The following DMD variants were observed in gnomAD, a reference collection of about 807,000 sequenced individuals.
DMD encodes the protein mutant dystrophin.
DMD carries 63 observed loss-of-function variants against 330.1 expected under a neutral mutation model. The observed-to-expected ratio is 0.19, with a 90% CI of 0.16 to 0.24. DMD has a LOEUF of 0.24. Among genes scored for constraint, DMD ranks in the 10% least tolerant of loss-of-function variants. The pLI, the probability that DMD is intolerant of heterozygous loss-of-function variation, is 1.00. For synonymous variants in DMD, 1,223 were observed against 959.8 expected, an observed-to-expected ratio of 1.27 and a Z score of -5.07; for missense variants, 3,344 against 2,684.1, an observed-to-expected ratio of 1.25 and a Z score of -5.43.
At chrX:33,065,230 C>A (rs1003092626) in intron 1 of DMD, among the ~76,000 whole-genome samples, 6 of 111,958 alleles carry the variant, frequency 5.4e-5, no homozygotes, top group Non-Finnish European at 1.1e-4. Context: ...ATTATTACAG[C>A]CAATCACAAT....
rs2083596595 is a variant in DMD, at chrX:32,878,764, C to G, written c.94-28944G>C. ...ATGGCTCATGCCTGTAAGCCCAACA[C>G]TTTGGGAGGCTGAGGCAGGTGGATC... is the stretch of plus-strand genomic sequence containing the variant. On this transcript the variant is annotated intron_variant, in intron 2 of 78. Transcript: ENST00000357033. Among the ~76,000 whole-genome samples, 3 of 109,938 alleles carry G rather than the reference C, an allele frequency of 2.7e-5. No homozygotes were observed. In the South Asian group the frequency reaches 1.2e-3, roughly 43 times the overall value.
At position 31,456,870 on chromosome X, in the gene DMD, GTGTGTGTA is replaced by G. The variant is rs1212918414; in HGVS notation, c.8938-12251_8938-12244del. Among the ~76,000 whole-genome samples, 13 of 98,217 alleles carry G rather than the reference GTGTGTGTA, an allele frequency of 1.3e-4. No individual in the cohort carries two copies. The South Asian group carries it at 3.1e-3, about 23-fold the overall frequency. 85.3% of individuals were successfully genotyped at this position (98,217 alleles called of 115,157 possible). A position where few individuals can be genotyped will look rare whatever the true frequency, so the allele number is the denominator to read the frequency against. Reference sequence around the variant, plus strand: ...TGTGTGTGTGTGTGTGTGTGTGTGTGTGTGTGTATATATATATATATTATATACCTATC... The same window carrying G: ...TGTGTGTGTGTGTGTGTGTGTGTGTGTATATATATATATTATATACCTATC... On this transcript the variant is annotated intron_variant, in intron 59 of 78. Coordinates refer to ENST00000357033, the MANE Select transcript of DMD (RefSeq NM_004006.3).
At chrX:33,261,637 C>CAA (rs1366852633) in intron 1 of DMD, among the ~76,000 whole-genome samples, 2 of 106,797 alleles carry the variant, frequency 1.9e-5, no homozygotes, top group East Asian at 5.9e-4. Flanking sequence ...AACACACACA[C>CAA]ACACACACAC....
intron 4 of DMD, among the ~76,000 whole-genome samples, chrX:32,830,798 G>A (rs748079076): frequency 3.6e-5 from 4 of 110,947 alleles, no homozygotes; most frequent in African/African-American, 6.5e-5. Context: ...TGTAATTTTG[G>A]AGGATAGAAA....
intron 47 of DMD, among the ~76,000 whole-genome samples, chrX:31,908,500 T>A (rs1375338771): frequency 9.5e-6 from 1 of 104,919 alleles, no homozygotes; most frequent in Non-Finnish European, 1.9e-5. Context: ...TCCTCACTCA[T>A]AGGTGGGAAT....
chrX:32,700,232 T>C (rs1037920754), intron 7 of DMD, among the ~76,000 whole-genome samples: 2 of 111,404 alleles, frequency 1.8e-5, no homozygotes, highest in East Asian at 5.6e-4. Context: ...GTCATCCTTT[T>C]TCATCCTTTA....
intron 2 of DMD, among the ~76,000 whole-genome samples, chrX:32,965,856 A>G (rs1289411939): frequency 8.9e-6 from 1 of 111,971 alleles, no homozygotes; most frequent in Non-Finnish European, 1.9e-5. Flanking sequence ...TTTAATCATT[A>G]TAGTTTGTCT....
chrX:32,521,381 T>C (rs1341965655), intron 17 of DMD, among the ~76,000 whole-genome samples: 1 of 111,885 alleles, frequency 8.9e-6, no homozygotes, highest in Non-Finnish European at 1.9e-5. Flanking sequence ...CACTCTATTC[T>C]AATTTGCCTT....
At chrX:33,176,008 T>G (rs2049627856) in intron 1 of DMD, among the ~76,000 whole-genome samples, 1 of 111,308 alleles carries the variant, frequency 9.0e-6, no homozygotes, top group South Asian at 3.8e-4. Flanking sequence ...GAAACCTGGG[T>G]GCAGTCAAAT....
intron 51 of DMD, among the ~76,000 whole-genome samples, chrX:31,765,944 T>C (rs2089966061): frequency 9.0e-6 from 1 of 111,238 alleles, no homozygotes; most frequent in Non-Finnish European, 1.9e-5. Context: ...ACATTAACAT[T>C]AGTTAACATT....
chrX:32,188,514 T>C (rs2096957642), intron 44 of DMD, among the ~76,000 whole-genome samples: 1 of 104,820 alleles, frequency 9.5e-6, no homozygotes, highest in Non-Finnish European at 2.0e-5. Context: ...TACGAGACAC[T>C]ATTTATTAAG....
chrX:32,806,280 G>T (rs2076937499), intron 7 of DMD, among the ~76,000 whole-genome samples: 1 of 110,679 alleles, frequency 9.0e-6, no homozygotes, highest in African/African-American at 3.3e-5. Context: ...AAAAGCAGGG[G>T]TTGCAATTCT....
chrX:31,146,258 A>G (rs747031916), intron 76 of DMD, 33 bp downstream of exon 76: 4 of 1,204,949 alleles, frequency 3.3e-6, no homozygotes, highest in Non-Finnish European at 4.5e-6. Context: ...CTTTCTTCAG[A>G]CAACAAAATC....
At chrX:32,703,010 C>T (rs2147662272) in intron 7 of DMD, among the ~76,000 whole-genome samples, 1 of 111,568 alleles carries the variant, frequency 9.0e-6, no homozygotes, top group Admixed American at 9.5e-5. Flanking sequence ...ATTAGTTCCT[C>T]CATGATTCTT....
chrX:32,434,371 T>C (rs769100794), intron 29 of DMD, among the ~76,000 whole-genome samples: 5 of 111,500 alleles, frequency 4.5e-5, no homozygotes, highest in East Asian at 2.8e-4. Flanking sequence ...GATCGTGCCA[T>C]TGCACTCCAG....
intron 51 of DMD, among the ~76,000 whole-genome samples, chrX:31,732,549 A>G (rs186361036): frequency 1.0e-3 from 112 of 111,621 alleles, no homozygotes; most frequent in South Asian, 5.2e-3. Flanking sequence ...TTGCTACTAT[A>G]CTTTCTTTGA....
At chrX:33,214,327 T>C (rs919182769), upstream of DMD, among the ~76,000 whole-genome samples, 2 of 111,570 alleles carry the variant, frequency 1.8e-5, no homozygotes. Flanking sequence ...TATCTACAAA[T>C]AGATCTACAG....
chrX:32,102,189 C>T (rs988846188), intron 44 of DMD: 1 of 111,848 alleles, frequency 8.9e-6, no homozygotes, highest in African/African-American at 3.2e-5. Context: ...CAACCTTGGA[C>T]TTCTCAGCCT....
intron 16 of DMD, among the ~76,000 whole-genome samples, chrX:32,548,759 A>G (rs773349988): frequency 4.3e-4 from 48 of 111,639 alleles, no homozygotes; most frequent in African/African-American, 1.6e-3. Context: ...GTTTTGCCAA[A>G]CTGTTTGTTT....
Sources: gnomAD v4.1 joint callset for allele counts (sites outside exome capture counted in the v4.1 genomes callset) on GRCh38, gnomAD v4.1.1 for gene constraint, MANE v1.5 for transcripts, NCBI Gene and HGNC (gene_info 2026-07-23, HGNC 2026-07-21) for gene names.